NOTCH2: variants seen among roughly 807,000 people sequenced by gnomAD.
The protein encoded by NOTCH2 is notch receptor 2.
NOTCH2 carries 29 observed loss-of-function variants against 235.8 expected under a neutral mutation model. The ratio of observed to expected loss-of-function variants is 0.12; its 90% CI spans 0.09 to 0.17. The LOEUF is 0.17. NOTCH2 is among the 10% of genes least tolerant of loss of function. The pLI is 1.00. For missense variants in NOTCH2, 2,285 were observed against 3,150.2 expected (o/e 0.73, Z 6.57); for synonymous variants, 1,086 against 1,141.5 (o/e 0.95, Z 0.98).
chr1:119,957,900 G>A (rs1650770849), intron 12 of NOTCH2, among the ~76,000 whole-genome samples: 1 of 140,614 alleles, frequency 7.1e-6, no homozygotes, highest in South Asian at 2.3e-4. Flanking sequence ...CCCCTAATCA[G>A]GATGTCCAGT....
At chr1:119,962,983 G>T (rs1650993501) in intron 11 of NOTCH2, among the ~76,000 whole-genome samples, 1 of 152,202 alleles carries the variant, frequency 6.6e-6, no homozygotes, top group South Asian at 2.1e-4. Context: ...GAACTCCGAG[G>T]ATAGGAAATG....
Position 119,941,734 on chromosome 1 carries a change from A to C in NOTCH2, c.2773T>G (p.Ser925Ala). 1 of 1,614,030 alleles carries C rather than the reference A, an allele frequency of 6.2e-7. No individual in the cohort carries two copies. The highest frequency in any genetic ancestry group is 1.3e-5 in the African/African-American group (1 of 75,048). The stretch of plus-strand genomic sequence containing the variant: ...AAAGTATTCACTCCATCCATACAGG[A>C]ACCTCCATTCTGGCAAGGATCTAAG... ...CLANPCQNGG[S>A]CMDGVNTFSC... is the part of the protein sequence containing the mutation. Residue 925 changes from serine (S) to alanine (A), a missense_variant, in exon 18 of 34, where the codon TCC (serine) becomes GCC (alanine). Ser to Ala is a moderately conservative substitution (Grantham distance 99, BLOSUM62 1). This residue lies in a region of NOTCH2 where 1,173 missense variants were observed against 1,515.3 expected (regional missense o/e 0.77). Coordinates refer to ENST00000256646, the MANE Select transcript of NOTCH2 (RefSeq NM_024408.4).
intron 23 of NOTCH2, 37 bp downstream of exon 23, chr1:119,928,939 C>A (rs1557808355): frequency 6.3e-7 from 1 of 1,577,936 alleles, no homozygotes; most frequent in Non-Finnish European, 8.7e-7. Flanking sequence ...AACCATCCTC[C>A]AAGGCAGAGT....
chr1:119,960,358 C>T (rs1320200485), intron 11 of NOTCH2, among the ~76,000 whole-genome samples: 1 of 151,494 alleles, frequency 6.6e-6, no homozygotes, highest in Non-Finnish European at 1.5e-5. Flanking sequence ...AGGTAAGCTG[C>T]CTTATTTTTG....
At chr1:119,995,493 G>A (rs1240230400) in intron 4 of NOTCH2, 1 of 152,162 alleles carries the variant, frequency 6.6e-6, no homozygotes, top group African/African-American at 2.4e-5. Flanking sequence ...TTGCAATATT[G>A]AAATATTTTC....
chr1:120,028,344 A>C (rs1653951528), intron 2 of NOTCH2, among the ~76,000 whole-genome samples: 2 of 142,662 alleles, frequency 1.4e-5, no homozygotes, highest in Admixed American at 1.4e-4. Flanking sequence ...ATGCCACAAA[A>C]AGACTAAACA....
chr1:119,950,165 T>G (rs1229634921), intron 15 of NOTCH2: 2 of 301,402 alleles, frequency 6.6e-6, no homozygotes, highest in Non-Finnish European at 1.3e-5. Context: ...AAAAGGCCAT[T>G]AAGAGGAAAA....
intron 2 of NOTCH2, among the ~76,000 whole-genome samples, chr1:120,020,838 CACCT>C (rs1653616760): frequency 8.4e-6 from 1 of 119,170 alleles, no homozygotes; most frequent in South Asian, 2.9e-4. Flanking sequence ...TTCTTATTAA[CACCT>C]ACCTTTCTCC....
chr1:119,953,825 T>C (rs185374918), intron 13 of NOTCH2, 137 bp from the exon 14 acceptor site: 3 of 796,846 alleles, frequency 3.8e-6, no homozygotes, highest in Non-Finnish European at 6.5e-6. Context: ...TGCATCACCT[T>C]GCACATGGTG....
chr1:119,989,052 T>A (rs1652127851), intron 4 of NOTCH2, among the ~76,000 whole-genome samples: 1 of 152,142 alleles, frequency 6.6e-6, no homozygotes, highest in Admixed American at 6.5e-5. Context: ...GATAGGTAGG[T>A]AAGAAGGGAG....
intron 21 of NOTCH2, 75 bp from the exon 22 acceptor site, chr1:119,935,679 TG>T: frequency 6.6e-7 from 1 of 1,525,772 alleles, no homozygotes; most frequent in Non-Finnish European, 9.0e-7. Context: ...TAGTGAGATC[TG>T]GAACATTTCT....
intron 1 of NOTCH2, among the ~76,000 whole-genome samples, chr1:120,065,933 C>T (rs1271116847): frequency 4.6e-5 from 7 of 151,372 alleles, no homozygotes; most frequent in East Asian, 1.9e-4. Context: ...ATTCAAATCA[C>T]GCCTTGCAGT....
intron 17 of NOTCH2, among the ~76,000 whole-genome samples, chr1:119,942,808 T>TTTG (rs1650107047): frequency 1.3e-5 from 2 of 151,612 alleles, no homozygotes; most frequent in African/African-American, 4.8e-5. Context: ...AAGTTCTCCA[T>TTTG]CAATTGTGCC....
Position 119,963,812 on chromosome 1 carries a change from G to C in NOTCH2, c.1682-5C>G, listed in dbSNP as rs782426921. The C allele has an allele frequency of 1.2e-6, 2 of 1,612,216 alleles. No individual in the cohort carries two copies. The highest frequency in any genetic ancestry group is 1.7e-6 in the Non-Finnish European group (2 of 1,178,278). On this transcript the variant is annotated splice_polypyrimidine_tract_variant and splice_region_variant and intron_variant, in intron 10 of 33. Coordinates refer to ENST00000256646, the MANE Select transcript of NOTCH2 (RefSeq NM_024408.4). ...CACACAACACACCAGTGAAACCTTT[G>C]GAAAGAATTTTATCAAGGATTCTCA...
intron 1 of NOTCH2, among the ~76,000 whole-genome samples, chr1:120,030,455 A>T (rs587607085): frequency 1.0e-4 from 15 of 149,532 alleles, no homozygotes; most frequent in Non-Finnish European, 1.5e-5. Context: ...CAGAAACAGC[A>T]ATAACAGTAA....
At chr1:119,948,694 T>C (rs1474918305) in intron 16 of NOTCH2, 128 bp from the exon 17 acceptor site, 12 of 1,125,050 alleles carry the variant, frequency 1.1e-5, no homozygotes, top group Middle Eastern at 2.0e-4. Context: ...CCCCCTGCTT[T>C]AGGAAGTTCC....
Position 119,955,028 on chromosome 1 carries a change from G to A in NOTCH2, c.2219+12C>T, listed in dbSNP as rs375127490. 2 of 1,612,810 alleles carry A rather than the reference G, an allele frequency of 1.2e-6. No individual in the cohort carries two copies. Among genetic ancestry groups the A allele is most frequent in the Admixed American group, 3.3e-5 (2 of 59,978 alleles). On this transcript the variant is annotated intron_variant, in intron 13 of 33. Transcript: ENST00000256646. ...GGTCAATAAGAAACTATCACATGGG[G>A]CAGCTACTCACCCACTGAGACCTCC...
chr1:119,975,644 CAAAA>C (rs11316344), intron 5 of NOTCH2, among the ~76,000 whole-genome samples: 38 of 99,732 alleles, frequency 3.8e-4, no homozygotes, highest in East Asian at 2.1e-3. Context: ...GACTCCATCT[CAAAA>C]AAAAAAAAAA....
At chr1:119,966,281 T>C in intron 9 of NOTCH2, 95 bp downstream of exon 9, 2 of 843,352 alleles carry the variant, frequency 2.4e-6, no homozygotes, top group Non-Finnish European at 4.2e-6. Context: ...GATTTCCTCA[T>C]GCACAGCCCA....
Sources: gnomAD v4.1 joint callset for allele counts (sites outside exome capture counted in the v4.1 genomes callset) on GRCh38, gnomAD v4.1.1 for gene constraint, gnomAD v4.1.1 regional missense constraint, MANE v1.5 for transcripts, NCBI Gene and HGNC (gene_info 2026-07-23, HGNC 2026-07-21) for gene names.